LRRK2: variants seen among roughly 807,000 people sequenced by gnomAD.
LRRK2 encodes leucine-rich repeat serine/threonine-protein kinase 2.
Under a neutral mutation model 302.6 loss-of-function variants are expected in LRRK2, and 203 were observed. That is an observed-to-expected ratio of 0.67 (90% CI 0.60 to 0.75). The LOEUF is 0.75. Ranked by LOEUF, LRRK2 falls within the 30% of genes least tolerant of loss-of-function variation. The pLI is 0.00. For missense variants in LRRK2, 2,830 were observed against 2,951.0 expected (o/e 0.96, Z 0.95); for synonymous variants, 1,066 against 1,031.9 (o/e 1.03, Z -0.63).
intron 33 of LRRK2, among the ~76,000 whole-genome samples, chr12:40,317,140 A>G (rs553806315): frequency 1.3e-5 from 2 of 152,212 alleles, no homozygotes; most frequent in South Asian, 4.1e-4. Context: ...TTGAAACTCC[A>G]TGAAAGTTCT....
At chr12:40,256,558 TC>T (rs1942517980) in intron 11 of LRRK2, among the ~76,000 whole-genome samples, 1 of 152,242 alleles carries the variant, frequency 6.6e-6, no homozygotes. Flanking sequence ...TCTATATGTT[TC>T]CTAGACTTTG....
At chr12:40,232,187 A>G (rs1399997668) in intron 2 of LRRK2, 87 bp from the exon 3 acceptor site, 1 of 927,612 alleles carries the variant, frequency 1.1e-6, no homozygotes, top group Non-Finnish European at 1.8e-6. Flanking sequence ...CATCTATTCC[A>G]CTAAGATTGA....
intron 33 of LRRK2, among the ~76,000 whole-genome samples, chr12:40,318,326 G>A (rs535366147): frequency 2.6e-5 from 4 of 152,142 alleles, no homozygotes; most frequent in East Asian, 3.9e-4. Flanking sequence ...GTGGTAGCAC[G>A]CTATAGATCC....
chr12:40,231,145 T>A (rs1270600596), intron 2 of LRRK2, among the ~76,000 whole-genome samples: 2 of 152,114 alleles, frequency 1.3e-5, no homozygotes, highest in African/African-American at 4.8e-5. Flanking sequence ...TAACTTACAT[T>A]TTGCTACTAA....
chr12:40,272,973 C>T (rs757517211), intron 14 of LRRK2, among the ~76,000 whole-genome samples: 1 of 151,894 alleles, frequency 6.6e-6, no homozygotes, highest in Non-Finnish European at 1.5e-5. Context: ...TGTTTTTCAT[C>T]TCTGAGGACA....
chr12:40,366,729 T>C (rs998413962), intron 49 of LRRK2: 1 of 356,070 alleles, frequency 2.8e-6, no homozygotes, highest in Non-Finnish European at 5.3e-6. Context: ...TTGGGAAGGG[T>C]AATGTATAAA....
intron 39 of LRRK2, among the ~76,000 whole-genome samples, chr12:40,328,677 G>A (rs1018792690): frequency 6.6e-6 from 1 of 152,118 alleles, no homozygotes; most frequent in Non-Finnish European, 1.5e-5. Flanking sequence ...CCTTATAATC[G>A]TGATACATAG....
intron 11 of LRRK2, among the ~76,000 whole-genome samples, chr12:40,256,026 T>C (rs1942483371): frequency 6.6e-6 from 1 of 152,208 alleles, no homozygotes; most frequent in Non-Finnish European, 1.5e-5. Context: ...TTTCTGCCAC[T>C]TTCAAAGTGT....
At chr12:40,283,767 T>C (rs1592220247) in intron 18 of LRRK2, 108 bp from the exon 19 acceptor site, 1 of 938,994 alleles carries the variant, frequency 1.1e-6, no homozygotes, top group Non-Finnish European at 1.6e-6. Context: ...TTTTGTTTCA[T>C]TCCAAATTGG....
chr12:40,237,936 T>C, intron 4 of LRRK2, 33 bp from the exon 5 acceptor site: 1 of 1,599,302 alleles, frequency 6.3e-7, no homozygotes, highest in Non-Finnish European at 8.5e-7. Context: ...AAAGCAGCTC[T>C]TTACTCAGAG....
chr12:40,253,252 A>T (rs931405186), intron 11 of LRRK2, among the ~76,000 whole-genome samples: 2 of 152,234 alleles, frequency 1.3e-5, no homozygotes. Context: ...AAACTCACAC[A>T]TGACATATAC....
chr12:40,231,293 C>T (rs1941171273), intron 2 of LRRK2, among the ~76,000 whole-genome samples: 1 of 150,036 alleles, frequency 6.7e-6, no homozygotes, highest in Non-Finnish European at 1.5e-5. Context: ...AGGCTCACGC[C>T]TGTAATCCCA....
intron 6 of LRRK2, among the ~76,000 whole-genome samples, chr12:40,242,677 G>GA (rs926950504): frequency 1.1e-4 from 16 of 146,182 alleles, no homozygotes; most frequent in East Asian, 6.0e-4. Flanking sequence ...TTTGGTTGGG[G>GA]AAAAAAAAAC....
intron 39 of LRRK2, among the ~76,000 whole-genome samples, chr12:40,330,380 A>G (rs1053148190): frequency 7.2e-5 from 11 of 152,154 alleles, no homozygotes; most frequent in African/African-American, 9.7e-5. Context: ...TTGCTAATGA[A>G]AAGTCTGCAG....
At chr12:40,292,890 A>G (rs558097088) in intron 20 of LRRK2, among the ~76,000 whole-genome samples, 2 of 152,110 alleles carry the variant, frequency 1.3e-5, no homozygotes, top group African/African-American at 4.8e-5. Context: ...TTATAAAACA[A>G]TTATTGCCAG....
chr12:40,239,796 A>T (rs1446079960), intron 5 of LRRK2, among the ~76,000 whole-genome samples: 7 of 142,452 alleles, frequency 4.9e-5, no homozygotes, highest in Non-Finnish European at 1.1e-4. Flanking sequence ...GCATAAAATT[A>T]AAAAAAATGA....
chr12:40,230,121 A>T (rs772842591), intron 2 of LRRK2, among the ~76,000 whole-genome samples: 1 of 152,082 alleles, frequency 6.6e-6, no homozygotes, highest in Non-Finnish European at 1.5e-5. Flanking sequence ...GTGGAGGAGG[A>T]TGTCCTACTT....
At chr12:40,267,640 C>G (rs1253592380) in intron 14 of LRRK2, among the ~76,000 whole-genome samples, 2 of 152,202 alleles carry the variant, frequency 1.3e-5, no homozygotes, top group Admixed American at 1.3e-4. Context: ...TCCCCCATGC[C>G]AGTACTGACG....
chr12:40,259,063 T>C (rs999669611), intron 12 of LRRK2, among the ~76,000 whole-genome samples: 1 of 152,174 alleles, frequency 6.6e-6, no homozygotes, highest in Non-Finnish European at 1.5e-5. Flanking sequence ...GTTCGTGTGA[T>C]GTAAAGAGGC....
Sources: allele counts gnomAD v4.1 joint callset (sites outside exome capture counted in the v4.1 genomes callset), GRCh38; gene constraint gnomAD v4.1.1; transcripts MANE v1.5; gene names NCBI Gene and HGNC (gene_info 2026-07-23, HGNC 2026-07-21).